The following CHD2 variants were observed in gnomAD, a reference collection of about 807,000 sequenced individuals.
The protein encoded by CHD2 is ATP-dependent chromatin remodeler CHD2.
CHD2 carries 28 observed loss-of-function variants against 243.9 expected under a neutral mutation model. The observed-to-expected ratio is 0.11, with a 90% CI of 0.09 to 0.16. The LOEUF is 0.16. Among genes scored for constraint, CHD2 ranks in the 10% least tolerant of loss-of-function variants. CHD2 has a pLI of 1.00. For synonymous variants in CHD2, 775 were observed against 779.0 expected (o/e 0.99, Z 0.09); for missense variants, 1,386 against 2,209.8 (o/e 0.63, Z 7.47).
intron 21 of CHD2, 53 bp from the exon 22 acceptor site, chr15:92,979,081 TG>T: frequency 6.3e-7 from 1 of 1,580,000 alleles, no homozygotes. Flanking sequence ...TCTCTTTTTT[TG>T]GGGGGGTTGG....
intron 18 of CHD2, 98 bp from the exon 19 acceptor site, chr15:92,972,167 A>G: frequency 1.5e-6 from 2 of 1,356,144 alleles, no homozygotes; most frequent in East Asian, 2.4e-5. Flanking sequence ...GGCTTCAGAA[A>G]GCTTTAAGAT....
At chr15:92,964,210 G>T (rs2053726078) in intron 16 of CHD2, among the ~76,000 whole-genome samples, 1 of 142,248 alleles carries the variant, frequency 7.0e-6, no homozygotes, top group Non-Finnish European at 1.5e-5. Flanking sequence ...AGAGATGCAA[G>T]TTTTTTTCTG....
intron 26 of CHD2, 70 bp downstream of exon 26, chr15:92,985,743 C>G: frequency 6.7e-7 from 1 of 1,491,660 alleles, no homozygotes; most frequent in Non-Finnish European, 9.0e-7. Flanking sequence ...TTGACTGGAT[C>G]CTGGACATCG....
intron 26 of CHD2, among the ~76,000 whole-genome samples, chr15:92,988,537 A>G (rs527299590): frequency 1.5e-4 from 23 of 152,352 alleles, no homozygotes; most frequent in African/African-American, 5.1e-4. Flanking sequence ...ATGTCTGCCC[A>G]AAGGACTCTC....
intron 35 of CHD2, among the ~76,000 whole-genome samples, chr15:93,010,408 A>G (rs2054376076): frequency 8.7e-6 from 1 of 115,552 alleles, no homozygotes; most frequent in African/African-American, 2.9e-5. Context: ...ACATGACTGG[A>G]AATTTTTTTT....
Position 92,941,755 on chromosome 15 carries a change from G to A in CHD2, c.693-67G>A, listed in dbSNP as rs943226158. 8.8e-6 allele frequency: 13 copies of A among 1,485,632 alleles called. No individual in the cohort carries two copies. In the Admixed American group the frequency reaches 1.2e-4, roughly 13 times the overall value. The allele number at this position is 1,485,632 out of a possible 1,614,324, so 92.0% of individuals were successfully genotyped here. Reference sequence around the variant, plus strand: ...GGGTATGGTTTCTTATTCTAGTGACGGTTATGTGTGGCAGTTTAATTCTGA... The same window carrying A: ...GGGTATGGTTTCTTATTCTAGTGACAGTTATGTGTGGCAGTTTAATTCTGA... On this transcript the variant is annotated intron_variant, in intron 7 of 38. Transcript: ENST00000394196.
At chr15:92,931,613 T>A (rs2053168279) in intron 5 of CHD2, among the ~76,000 whole-genome samples, 1 of 152,082 alleles carries the variant, frequency 6.6e-6, no homozygotes, top group African/African-American at 2.4e-5. Flanking sequence ...GGCCTCAAGT[T>A]ATCCTCTCAC....
chr15:93,007,759 T>TG (rs552790615), intron 34 of CHD2, among the ~76,000 whole-genome samples: 138 of 152,370 alleles, frequency 9.1e-4, no homozygotes, highest in Middle Eastern at 6.8e-3. Context: ...TATCGAATTC[T>TG]GGATATTGGT....
At chr15:92,901,631 GT>G (rs2052529996) in intron 2 of CHD2, 1 of 425,650 alleles carries the variant, frequency 2.3e-6, no homozygotes, top group African/African-American at 2.0e-5. Context: ...AAATGACCTT[GT>G]CGGTTTAGCC....
chr15:92,972,074 A>G, intron 18 of CHD2, 147 bp downstream of exon 18: 1 of 1,065,556 alleles, frequency 9.4e-7, no homozygotes, highest in Non-Finnish European at 1.3e-6. Flanking sequence ...GTAACTAAGA[A>G]TGATTTGGAA....
chr15:92,982,807 G>A (rs1336262490), intron 24 of CHD2, among the ~76,000 whole-genome samples: 1 of 152,172 alleles, frequency 6.6e-6, no homozygotes, highest in East Asian at 1.9e-4. Context: ...GAGAGCCCTA[G>A]ATTAATGGGT....
intron 5 of CHD2, among the ~76,000 whole-genome samples, chr15:92,933,129 T>C (rs1399911176): frequency 1.3e-5 from 2 of 150,334 alleles, no homozygotes; most frequent in Non-Finnish European, 3.0e-5. Flanking sequence ...AACCTTGAAC[T>C]CCTGAGCTCA....
intron 2 of CHD2, among the ~76,000 whole-genome samples, chr15:92,918,507 A>G (rs1176174353): frequency 6.6e-6 from 1 of 152,162 alleles, no homozygotes; most frequent in African/African-American, 2.4e-5. Flanking sequence ...CCAATGTTTA[A>G]TTGCCCTGTA....
At chr15:92,979,469 C>T (rs531957820) in intron 22 of CHD2, among the ~76,000 whole-genome samples, 186 bp downstream of exon 22, 1 of 152,110 alleles carries the variant, frequency 6.6e-6, no homozygotes. Flanking sequence ...CATCACCCCC[C>T]TTCTTATGTG....
chr15:92,944,725 C>T (rs1190926445), intron 10 of CHD2: 7 of 295,330 alleles, frequency 2.4e-5, no homozygotes, highest in Non-Finnish European at 4.4e-5. Flanking sequence ...GATTTGTGGC[C>T]TAAACATGTA....
chr15:93,027,888 T>A lies in CHD2; in HGVS notation c.*3183T>A, dbSNP rs1402126126. 1 of 152,698 alleles carries A rather than the reference T, an allele frequency of 6.5e-6. No individual in the cohort carries two copies. The highest frequency in any genetic ancestry group is 2.4e-5 in the African/African-American group (1 of 41,470). 9.5% of individuals were successfully genotyped at this position (152,698 alleles called of 1,614,324 possible). On this transcript the variant is annotated 3_prime_UTR_variant, in exon 39 of 39. Transcript: ENST00000394196. Reference sequence around the variant, plus strand: ...AAAATGCCACTGTCCTAGTGATTTCTGATGTAAATAATGTTGTTTATATAG... The same window carrying A: ...AAAATGCCACTGTCCTAGTGATTTCAGATGTAAATAATGTTGTTTATATAG...
Position 93,020,113 on chromosome 15 carries a change from T to C in CHD2, c.5008T>C (p.Tyr1670His), listed in dbSNP as rs775504391. The C allele has an allele frequency of 1.4e-5, 23 of 1,614,102 alleles. No homozygotes were observed. Among genetic ancestry groups the C allele is most frequent in the Middle Eastern group, 1.6e-4 (1 of 6,062 alleles). ...GCACCATCAGTATGAGCAGCACTGG[T>C]ACAAGGACCACCATTATGGGGACCG... ...DRHHQYEQHW[Y>H]KDHHYGDRRH... The change falls in exon 38 of 39, where the codon TAC becomes CAC. Residue 1670 changes from tyrosine to histidine, a missense_variant. Physicochemically the swap from Tyr to His is moderately conservative, Grantham distance 83. Coordinates refer to ENST00000394196, the MANE Select transcript of CHD2 (RefSeq NM_001271.4).
rs909606863 is a variant in CHD2, at chr15:92,956,605, C to T, written c.1956C>T (p.Ser652=). 1 of 1,613,876 alleles carries T rather than the reference C, an allele frequency of 6.2e-7. No homozygotes were observed. The highest frequency in any genetic ancestry group is 8.5e-7 in the Non-Finnish European group (1 of 1,179,880). ...LLITGTPLQN[S]LKELWSLLHF... Reference sequence around the variant, plus strand: ...TTACGGGGACCCCTCTTCAGAATTCCCTCAAAGAGCTCTGGTCCTTGCTGC... The same window carrying T: ...TTACGGGGACCCCTCTTCAGAATTCTCTCAAAGAGCTCTGGTCCTTGCTGC... The change falls in exon 16 of 39, where the codon TCC becomes TCT. Residue 652 remains serine, a synonymous_variant. Transcript: ENST00000394196.
At chr15:92,937,302 A>G (rs1018728016) in intron 5 of CHD2, among the ~76,000 whole-genome samples, 2 of 152,236 alleles carry the variant, frequency 1.3e-5, no homozygotes, top group Admixed American at 1.3e-4. Context: ...ATCCATTTTT[A>G]TTTATTTTTG....
Sources: allele counts gnomAD v4.1 joint callset (sites outside exome capture counted in the v4.1 genomes callset), GRCh38; gene constraint gnomAD v4.1.1; transcripts MANE v1.5; gene names NCBI Gene and HGNC (gene_info 2026-07-23, HGNC 2026-07-21).